TENM2: variants seen among roughly 807,000 people sequenced by gnomAD.
TENM2 encodes the protein teneurin transmembrane protein 2.
TENM2 carries 52 observed loss-of-function variants against 245.2 expected under a neutral mutation model. The observed-to-expected ratio is 0.21, with a 90% CI of 0.17 to 0.27. TENM2 has a LOEUF of 0.27. TENM2 is among the 10% of genes least tolerant of loss of function. The pLI, the probability that TENM2 is intolerant of heterozygous loss-of-function variation, is 1.00. For missense variants in TENM2, 3,046 were observed against 3,666.8 expected (o/e 0.83, Z 4.37); for synonymous variants, 1,363 against 1,438.9 (o/e 0.95, Z 1.19).
chr5:167,893,633 G>GTT (rs1422354654), intron 3 of TENM2, among the ~76,000 whole-genome samples: 4 of 139,254 alleles, frequency 2.9e-5, no homozygotes, highest in South Asian at 2.3e-4. Context: ...TTTTTTTGTT[G>GTT]TTTTTTTTTT....
chr5:168,034,807 T>C (rs1017217170), intron 5 of TENM2, among the ~76,000 whole-genome samples: 10 of 152,016 alleles, frequency 6.6e-5, no homozygotes, highest in Non-Finnish European at 1.5e-4. Flanking sequence ...AATAGTATGA[T>C]AAAATGTCCA....
intron 3 of TENM2, among the ~76,000 whole-genome samples, chr5:167,924,133 G>C (rs1777571526): frequency 6.6e-6 from 1 of 152,124 alleles, no homozygotes; most frequent in African/African-American, 2.4e-5. Flanking sequence ...TTAGCTCAGG[G>C]ATCTGGTTGC....
At chr5:167,275,473 G>A in the TENM2 span, among the ~76,000 whole-genome samples, 1 of 151,948 alleles carries the variant, frequency 6.6e-6, no homozygotes, top group Admixed American at 6.6e-5. Context: ...TAACTCTGTT[G>A]AGTCCTTCAA....
chr5:167,620,551 T>TC (rs1778097285), intron 2 of TENM2, among the ~76,000 whole-genome samples: 1 of 116,290 alleles, frequency 8.6e-6, no homozygotes, highest in Non-Finnish European at 1.6e-5. Context: ...CTTTTTGGCT[T>TC]TTTTTTTTTT....
chr5:168,172,297 G>T (rs1378743702), intron 13 of TENM2, among the ~76,000 whole-genome samples: 1 of 152,184 alleles, frequency 6.6e-6, no homozygotes, highest in Non-Finnish European at 1.5e-5. Context: ...GGACCAGAGG[G>T]TCCCAAAACA....
chr5:167,097,862 A>T, the TENM2 span, among the ~76,000 whole-genome samples: 3 of 152,244 alleles, frequency 2.0e-5, no homozygotes, highest in African/African-American at 7.2e-5. Flanking sequence ...TGGTAAACAT[A>T]GACCTCGACT....
chr5:167,895,454 C>A (rs143624176), intron 3 of TENM2, among the ~76,000 whole-genome samples: 1 of 152,324 alleles, frequency 6.6e-6, no homozygotes, highest in Non-Finnish European at 1.5e-5. Flanking sequence ...GCTAACTTGA[C>A]CAAATGCATG....
intron 1 of TENM2, among the ~76,000 whole-genome samples, chr5:167,303,687 G>C (rs1002145293): frequency 2.0e-5 from 3 of 152,174 alleles, no homozygotes; most frequent in Non-Finnish European, 4.4e-5. Flanking sequence ...CAGTGGGTCT[G>C]TATCTCCTTT....
chr5:167,876,290 G>GTTCCA, intron 3 of TENM2, 95 bp downstream of exon 5: 1 of 1,097,624 alleles, frequency 9.1e-7, no homozygotes, highest in South Asian at 1.4e-5. Context: ...AGGGCTGGGG[G>GTTCCA]AAGGTGGTGT....
At chr5:168,166,954 T>C (rs1233516315) in intron 13 of TENM2, among the ~76,000 whole-genome samples, 2 of 152,048 alleles carry the variant, frequency 1.3e-5, no homozygotes, top group African/African-American at 4.8e-5. Flanking sequence ...CCGCCACTCA[T>C]GTAACCTCAG....
intron 2 of TENM2, among the ~76,000 whole-genome samples, chr5:167,796,613 C>T (rs937938835): frequency 2.2e-4 from 33 of 148,328 alleles, no homozygotes; most frequent in African/African-American, 2.0e-4. Context: ...ATTTGGGGTG[C>T]GTGTGTGTGT....
intron 2 of TENM2, among the ~76,000 whole-genome samples, chr5:167,800,882 G>A (rs1765659995): frequency 1.3e-5 from 2 of 151,752 alleles, no homozygotes; most frequent in South Asian, 4.2e-4. Flanking sequence ...AGAAGACAAT[G>A]CAAAAGATAT....
intron 5 of TENM2, among the ~76,000 whole-genome samples, chr5:168,027,175 G>A (rs148122328): frequency 3.1e-4 from 47 of 152,134 alleles, no homozygotes; most frequent in African/African-American, 9.6e-4. Flanking sequence ...CCAAGGTACC[G>A]TCACCCACTG....
intron 12 of TENM2, among the ~76,000 whole-genome samples, chr5:168,138,209 T>G (rs1308158730): frequency 6.6e-6 from 1 of 152,202 alleles, no homozygotes; most frequent in Non-Finnish European, 1.5e-5. Flanking sequence ...TTCCATCACT[T>G]GCAAGTTGGG....
intron 13 of TENM2, among the ~76,000 whole-genome samples, chr5:168,177,143 G>A (rs2152482728): frequency 6.6e-6 from 1 of 152,340 alleles, no homozygotes; most frequent in East Asian, 1.9e-4. Context: ...GCATAGAGTA[G>A]GGGAGAAGAA....
chr5:167,177,722 C>T, the TENM2 span, among the ~76,000 whole-genome samples: 1 of 152,046 alleles, frequency 6.6e-6, no homozygotes, highest in South Asian at 2.1e-4. Flanking sequence ...TGACATGTGG[C>T]CTGAAAGATA....
intron 3 of TENM2, among the ~76,000 whole-genome samples, chr5:167,942,099 T>G (rs1779229356): frequency 6.6e-6 from 1 of 151,866 alleles, no homozygotes; most frequent in African/African-American, 2.4e-5. Flanking sequence ...TCCCAGCTAC[T>G]CGGGAGGCTG....
intron 7 of TENM2, among the ~76,000 whole-genome samples, chr5:168,065,042 A>G (rs1005696983): frequency 1.3e-5 from 2 of 152,150 alleles, no homozygotes; most frequent in African/African-American, 2.4e-5. Flanking sequence ...TTATTGGTAT[A>G]TCCTATCAAG....
intron 2 of TENM2, among the ~76,000 whole-genome samples, chr5:167,537,964 A>T (rs1183758906): frequency 3.9e-5 from 6 of 152,222 alleles, no homozygotes; most frequent in Admixed American, 6.5e-5. Flanking sequence ...GTCAGCTTAC[A>T]CCTTAAGGGA....
Sources: allele counts gnomAD v4.1 joint callset (sites outside exome capture counted in the v4.1 genomes callset), GRCh38; gene constraint gnomAD v4.1.1; transcripts MANE v1.5; gene names NCBI Gene and HGNC (gene_info 2026-07-23, HGNC 2026-07-21).